The following ALG9 variants were observed in gnomAD, a reference collection of about 807,000 sequenced individuals.
The protein encoded by ALG9 is ALG9 alpha-1,2-mannosyltransferase.
A neutral mutation model predicts 81.8 loss-of-function variants in ALG9; 55 were observed. That is an observed-to-expected ratio of 0.67 (90% confidence interval 0.54 to 0.84). The LOEUF is 0.84. Ranked by LOEUF, ALG9 falls within the 40% of genes least tolerant of loss-of-function variation. The pLI, the probability that ALG9 is intolerant of heterozygous loss-of-function variation, is 0.00. For missense variants in ALG9, 629 were observed against 745.0 expected (o/e 0.84, Z 1.81); for synonymous variants, 278 against 274.3 (o/e 1.01, Z -0.13).
chr11:111,838,194 A>C, intron 11 of ALG9, 55 bp downstream of exon 11: 1 of 1,603,530 alleles, frequency 6.2e-7, no homozygotes, highest in South Asian at 1.1e-5. Flanking sequence ...AATCAAGTAA[A>C]ACCTAAGAGC....
intron 8 of ALG9, among the ~76,000 whole-genome samples, chr11:111,846,548 G>A (rs758743348): frequency 2.6e-5 from 4 of 152,154 alleles, no homozygotes; most frequent in Non-Finnish European, 5.9e-5. Flanking sequence ...GCTGGTAAAT[G>A]CAATCATTTT....
Position 111,857,672 on chromosome 11 carries a change from T to C in ALG9, c.631A>G (p.Lys211Glu). 6.2e-7 allele frequency: 1 copy of C among 1,614,178 alleles called. No individual in the cohort carries two copies. Among genetic ancestry groups the C allele is most frequent in the Non-Finnish European group, 8.5e-7 (1 of 1,180,024 alleles). ...ACTCCCAGCACAGCAATGGAAGTCT[T>C]GTCCATATACCATCCAGTCATGGCT... The part of the protein sequence containing the change: ...LIAMTGWYMD[K>E]TSIAVLGVAA... Residue 211 changes from lysine to glutamate, a missense_variant, in exon 6 of 15, where the codon AAG (lysine) becomes GAG (glutamate). Transcript: ENST00000616540.
intron 8 of ALG9, among the ~76,000 whole-genome samples, chr11:111,846,064 T>C (rs1956903734): frequency 6.6e-6 from 1 of 152,250 alleles, no homozygotes; most frequent in Non-Finnish European, 1.5e-5. Context: ...AATATGCATT[T>C]GGGTTATAGA....
chr11:111,843,273 A>G (rs1555125642), intron 9 of ALG9, among the ~76,000 whole-genome samples: 1 of 152,226 alleles, frequency 6.6e-6, no homozygotes, highest in Non-Finnish European at 1.5e-5. Context: ...GAAAAAAAGT[A>G]AGATGGGGGT....
At chr11:111,808,804 C>T (rs1438783154) in intron 14 of ALG9, among the ~76,000 whole-genome samples, 1 of 152,192 alleles carries the variant, frequency 6.6e-6, no homozygotes, top group Non-Finnish European at 1.5e-5. Flanking sequence ...GACCTCTGCC[C>T]TCAGACACCT....
chr11:111,852,218 G>A (rs1184656595), intron 8 of ALG9, among the ~76,000 whole-genome samples: 1 of 152,156 alleles, frequency 6.6e-6, no homozygotes, highest in Non-Finnish European at 1.5e-5. Flanking sequence ...TATACAGAAT[G>A]TTCCAAGACC....
intron 14 of ALG9, among the ~76,000 whole-genome samples, chr11:111,799,982 C>T (rs1016764165): frequency 6.6e-6 from 1 of 152,194 alleles, no homozygotes; most frequent in Non-Finnish European, 1.5e-5. Context: ...TCAGCTCAAG[C>T]ACCCCCTCCT....
chr11:111,827,759 TC>T (rs1256516262), intron 13 of ALG9, among the ~76,000 whole-genome samples: 1 of 148,442 alleles, frequency 6.7e-6, no homozygotes, highest in Non-Finnish European at 1.5e-5. Context: ...TCCCAGCTAC[TC>T]GGTAGCTGAG....
At chr11:111,868,531 T>A in intron 3 of ALG9, 71 bp downstream of exon 3, 1 of 1,539,056 alleles carries the variant, frequency 6.5e-7, no homozygotes, top group East Asian at 2.3e-5. Context: ...CATTTTGTCC[T>A]TTTCTCAAAA....
intron 4 of ALG9, among the ~76,000 whole-genome samples, chr11:111,864,690 A>G (rs1555151062): frequency 1.3e-5 from 2 of 152,170 alleles, no homozygotes. Context: ...AATAAAACTC[A>G]GTATGAAAAA....
At chr11:111,826,573 G>A (rs1283606845) in intron 13 of ALG9, among the ~76,000 whole-genome samples, 1 of 152,024 alleles carries the variant, frequency 6.6e-6, no homozygotes, top group Non-Finnish European at 1.5e-5. Context: ...ATGGAGTGCA[G>A]TGGCACTATC....
the ALG9 span, among the ~76,000 whole-genome samples, chr11:111,769,772 CT>C: frequency 4.6e-5 from 7 of 152,204 alleles, no homozygotes; most frequent in Non-Finnish European, 8.8e-5. Context: ...TGCTAAACTA[CT>C]TTGTTTAAAA....
intron 13 of ALG9, among the ~76,000 whole-genome samples, chr11:111,816,640 T>A (rs1951524254): frequency 6.6e-6 from 1 of 152,196 alleles, no homozygotes; most frequent in African/African-American, 2.4e-5. Context: ...CACTGCAGCC[T>A]CAACCTCTCA....
At chr11:111,800,309 T>C (rs1948913269) in intron 14 of ALG9, among the ~76,000 whole-genome samples, 1 of 151,498 alleles carries the variant, frequency 6.6e-6, no homozygotes. Context: ...TAAAACCCTG[T>C]CTCTACTAAA....
the ALG9 span, among the ~76,000 whole-genome samples, chr11:111,773,288 A>G: frequency 1.3e-5 from 2 of 151,996 alleles, no homozygotes; most frequent in Non-Finnish European, 2.9e-5. Flanking sequence ...TTTGTTGCCC[A>G]GGCTGTAGTA....
chr11:111,802,313 T>C (rs782445861), intron 14 of ALG9, among the ~76,000 whole-genome samples: 12 of 152,190 alleles, frequency 7.9e-5, no homozygotes, highest in Non-Finnish European at 1.6e-4. Context: ...GAAATGTCCA[T>C]CAGTTAGTGA....
intron 13 of ALG9, among the ~76,000 whole-genome samples, chr11:111,826,066 CAATAATAATAATAATAAT>C (rs4026118): frequency 7.5e-6 from 1 of 132,684 alleles, no homozygotes; most frequent in African/African-American, 2.9e-5. Context: ...AACTCCGTCT[CAATAATAATAATAATAAT>C]AATAATAATA....
In ALG9 at chr11:111,871,541, AGC is replaced by A; in HGVS notation, c.-61_-60del. Reference sequence around the variant, plus strand: ...ATGAAGTCGGTGAGCGCGCAGACATAGCTTTGGCTGGCAAACGGTGTCCGCCG... The same window carrying A: ...ATGAAGTCGGTGAGCGCGCAGACATATTTGGCTGGCAAACGGTGTCCGCCG... On this transcript the variant is annotated 5_prime_UTR_variant, in exon 1 of 15. Transcript: ENST00000616540. 1 of 1,534,184 alleles carries A rather than the reference AGC, an allele frequency of 6.5e-7. No individual in the cohort carries two copies. The highest frequency in any genetic ancestry group is 1.2e-5 in the South Asian group (1 of 83,510).
intron 4 of ALG9, among the ~76,000 whole-genome samples, chr11:111,861,606 G>A (rs1960165331): frequency 6.6e-6 from 1 of 152,098 alleles, no homozygotes; most frequent in African/African-American, 2.4e-5. Flanking sequence ...TGAATGGCTA[G>A]GAGTAACTGT....
Sources: gnomAD v4.1 joint callset for allele counts (sites outside exome capture counted in the v4.1 genomes callset) on GRCh38, gnomAD v4.1.1 for gene constraint, MANE v1.5 for transcripts, NCBI Gene and HGNC (gene_info 2026-07-23, HGNC 2026-07-21) for gene names.